ANGPT1: variants seen among roughly 807,000 people sequenced by gnomAD.
ANGPT1 encodes angiopoietin 1.
A neutral mutation model predicts 62.2 loss-of-function variants in ANGPT1; 17 were observed. The observed-to-expected ratio is 0.27, with a 90% CI of 0.19 to 0.41. The LOEUF (loss-of-function observed/expected upper bound fraction) is 0.41. Ranked by LOEUF, ANGPT1 falls within the 10% of genes least tolerant of loss-of-function variation. ANGPT1 has a pLI of 1.00. For synonymous variants in ANGPT1, 199 were observed against 198.9 expected, an observed-to-expected ratio of 1.00 and a Z score of 0.00; for missense variants, 478 against 594.9, an observed-to-expected ratio of 0.80 and a Z score of 2.04.
At chr8:107,366,688 A>G (rs1326686899) in intron 1 of ANGPT1, among the ~76,000 whole-genome samples, 1 of 152,188 alleles carries the variant, frequency 6.6e-6, no homozygotes, top group Non-Finnish European at 1.5e-5. Flanking sequence ...CAACATCAAT[A>G]TGGTGATCAG....
chr8:107,303,791 G>C (rs2129982423), intron 4 of ANGPT1, among the ~76,000 whole-genome samples: 1 of 151,802 alleles, frequency 6.6e-6, no homozygotes, highest in East Asian at 1.9e-4. Flanking sequence ...TTTTGGAGCA[G>C]GAAGACATGA....
intron 1 of ANGPT1, among the ~76,000 whole-genome samples, chr8:107,485,941 AG>A (rs1438867877): frequency 6.6e-6 from 1 of 152,234 alleles, no homozygotes; most frequent in Non-Finnish European, 1.5e-5. Flanking sequence ...GGTGCTTCTA[AG>A]GAGTTACACA....
intron 4 of ANGPT1, among the ~76,000 whole-genome samples, chr8:107,313,429 G>GAT (rs1335026306): frequency 1.6e-5 from 1 of 64,182 alleles, no homozygotes; most frequent in Non-Finnish European, 2.7e-5. Flanking sequence ...GTTACTAGTT[G>GAT]TTTTTTTTTT....
chr8:107,255,860 G>C (rs1340581202), intron 8 of ANGPT1, among the ~76,000 whole-genome samples: 2 of 152,122 alleles, frequency 1.3e-5, no homozygotes, highest in African/African-American at 4.8e-5. Context: ...AAAAAAAAGA[G>C]ACAAGACCTT....
chr8:107,385,353 G>C (rs1002244877), intron 1 of ANGPT1, among the ~76,000 whole-genome samples: 2 of 151,996 alleles, frequency 1.3e-5, no homozygotes, highest in Non-Finnish European at 2.9e-5. Flanking sequence ...TCACCTTCCT[G>C]GTTAGCTGTA....
intron 1 of ANGPT1, among the ~76,000 whole-genome samples, chr8:107,484,562 T>A (rs974749612): frequency 1.3e-5 from 2 of 152,056 alleles, no homozygotes; most frequent in African/African-American, 2.4e-5. Flanking sequence ...CCAGCCACCA[T>A]GCCAGGCTAA....
At chr8:107,269,613 T>TGTA (rs763649841) in intron 7 of ANGPT1, among the ~76,000 whole-genome samples, 1 of 151,992 alleles carries the variant, frequency 6.6e-6, no homozygotes, top group Non-Finnish European at 1.5e-5. Context: ...GTTCAGCCAG[T>TGTA]GTAGACATGG....
chr8:107,413,142 G>A (rs1207697914), intron 1 of ANGPT1, among the ~76,000 whole-genome samples: 1 of 152,236 alleles, frequency 6.6e-6, no homozygotes, highest in South Asian at 2.1e-4. Context: ...ACAGTGTCAG[G>A]CATATGACTA....
intron 1 of ANGPT1, among the ~76,000 whole-genome samples, chr8:107,470,383 A>AT (rs1812320199): frequency 1.3e-5 from 2 of 152,090 alleles, no homozygotes; most frequent in African/African-American, 2.4e-5. Flanking sequence ...AAACTTACTA[A>AT]TTTTTTATTT....
chr8:107,428,724 C>T (rs1811101945), intron 1 of ANGPT1, among the ~76,000 whole-genome samples: 1 of 152,046 alleles, frequency 6.6e-6, no homozygotes, highest in African/African-American at 2.4e-5. Context: ...TAAGCAAGGA[C>T]ACGTTGATAG....
At position 107,259,251 on chromosome 8, in the gene ANGPT1, A is replaced by C. The variant is rs563095911; in HGVS notation, c.1336+4970T>G. Among the ~76,000 whole-genome samples, 68 of 152,252 alleles carry C rather than the reference A, an allele frequency of 4.5e-4. 1 individual carries two copies. The South Asian group carries it at 0.014, about 31-fold the overall frequency. On this transcript the variant is annotated intron_variant, in intron 8 of 8. Coordinates refer to ENST00000517746, the MANE Select transcript of ANGPT1 (RefSeq NM_001146.5). ...TCTTTCTTGGGTTCCCAAAAATGCT[A>C]AGACAATTATATTTTCCCAAAGATC... is the stretch of plus-strand genomic sequence containing the variant.
chr8:107,393,687 G>A (rs1816878938), intron 1 of ANGPT1, among the ~76,000 whole-genome samples: 3 of 152,110 alleles, frequency 2.0e-5, no homozygotes, highest in South Asian at 4.2e-4. Flanking sequence ...GCAGGCACCT[G>A]CAGTCCCAGC....
At chr8:107,486,040 C>G (rs1225226962) in intron 1 of ANGPT1, among the ~76,000 whole-genome samples, 1 of 152,144 alleles carries the variant, frequency 6.6e-6, no homozygotes, top group Non-Finnish European at 1.5e-5. Flanking sequence ...CAATCAGCAA[C>G]AGAGCCTACA....
intron 1 of ANGPT1, among the ~76,000 whole-genome samples, chr8:107,394,987 T>A (rs1816907944): frequency 6.6e-6 from 1 of 152,136 alleles, no homozygotes; most frequent in Non-Finnish European, 1.5e-5. Flanking sequence ...TAGCTCTCTA[T>A]CTATAGATTG....
intron 1 of ANGPT1, among the ~76,000 whole-genome samples, chr8:107,394,213 T>C (rs890955903): frequency 2.0e-5 from 3 of 152,216 alleles, no homozygotes; most frequent in South Asian, 2.1e-4. Context: ...TGTTTAGTTA[T>C]GGTTGGCAGA....
At chr8:107,260,529 A>G (rs866347425) in intron 8 of ANGPT1, among the ~76,000 whole-genome samples, 1 of 152,118 alleles carries the variant, frequency 6.6e-6, no homozygotes, top group African/African-American at 2.4e-5. Context: ...GCTCTAAGGG[A>G]AATTTTGACA....
intron 8 of ANGPT1, among the ~76,000 whole-genome samples, chr8:107,252,377 C>T (rs1039625775): frequency 1.3e-5 from 2 of 152,114 alleles, no homozygotes; most frequent in Non-Finnish European, 2.9e-5. Context: ...TGCATATACC[C>T]ATAAGAGGCA....
intron 1 of ANGPT1, among the ~76,000 whole-genome samples, chr8:107,358,284 G>A (rs886481844): frequency 6.6e-6 from 1 of 152,080 alleles, no homozygotes; most frequent in African/African-American, 2.4e-5. Context: ...CTTGGTCCAA[G>A]TACTGGAAGA....
chr8:107,346,786 A>G (rs1167344284), intron 2 of ANGPT1, among the ~76,000 whole-genome samples, 156 bp downstream of exon 2: 1 of 152,222 alleles, frequency 6.6e-6, no homozygotes, highest in Non-Finnish European at 1.5e-5. Context: ...AAAAACACGC[A>G]TAGCATGTCA....
Sources: gnomAD v4.1 joint callset for allele counts (sites outside exome capture counted in the v4.1 genomes callset) on GRCh38, gnomAD v4.1.1 for gene constraint, MANE v1.5 for transcripts, NCBI Gene and HGNC (gene_info 2026-07-23, HGNC 2026-07-21) for gene names.